The following USP36 variants were observed in gnomAD, a reference collection of about 807,000 sequenced individuals.
The protein encoded by USP36 is ubiquitin carboxyl-terminal hydrolase 36.
A neutral mutation model predicts 111.5 loss-of-function variants in USP36; 59 were observed. That is an observed-to-expected ratio of 0.53 (90% CI 0.43 to 0.66). USP36 has a LOEUF of 0.66. Among genes scored for constraint, USP36 ranks in the 30% least tolerant of loss-of-function variants. The probability of loss-of-function intolerance (pLI) is 0.00; values close to 1 mark genes in which losing one functional copy is unlikely to be tolerated. For synonymous variants in USP36, 628 were observed against 581.0 expected (o/e 1.08, Z -1.16); for missense variants, 1,488 against 1,468.0 (o/e 1.01, Z -0.22).
intron 2 of USP36, among the ~76,000 whole-genome samples, chr17:78,837,557 C>T (rs1185674781): frequency 3.3e-5 from 5 of 152,148 alleles, no homozygotes; most frequent in Non-Finnish European, 5.9e-5. Context: ...ACTGTTGGTG[C>T]AGCTGCATGG....
At chr17:78,834,581 G>C (rs1172780377) in intron 4 of USP36, among the ~76,000 whole-genome samples, 3 of 151,888 alleles carry the variant, frequency 2.0e-5, no homozygotes, top group Non-Finnish European at 4.4e-5. Flanking sequence ...CGAGCAGCTG[G>C]GATTACAGGT....
chr17:78,802,089 G>A (rs558395821), intron 17 of USP36, among the ~76,000 whole-genome samples: 280 of 150,026 alleles, frequency 1.9e-3, no homozygotes, highest in African/African-American at 6.3e-3. Flanking sequence ...ACACCCACGC[G>A]GTCCCCCACC....
intron 14 of USP36, 32 bp downstream of exon 14, chr17:78,806,927 A>T: frequency 4.4e-6 from 7 of 1,606,384 alleles, no homozygotes; most frequent in Non-Finnish European, 6.0e-6. Flanking sequence ...CTCTCCTGAT[A>T]CACAGCAGCG....
intron 1 of USP36, chr17:78,840,415 C>G (rs1339552591): frequency 2.0e-5 from 3 of 152,442 alleles, no homozygotes; most frequent in African/African-American, 7.2e-5. Flanking sequence ...CGAAGTTGAC[C>G]TGAATCCTGC....
chr17:78,832,870 A>T (rs1233000939), intron 4 of USP36, among the ~76,000 whole-genome samples: 1 of 152,192 alleles, frequency 6.6e-6, no homozygotes, highest in Non-Finnish European at 1.5e-5. Flanking sequence ...GTGCTTCTGC[A>T]GGGCACGGTG....
chr17:78,830,816 T>G (rs2068015077), intron 4 of USP36, among the ~76,000 whole-genome samples: 1 of 151,984 alleles, frequency 6.6e-6, no homozygotes, highest in African/African-American at 2.4e-5. Flanking sequence ...AAGGGGAGGT[T>G]TTTTTCATTT....
chr17:78,835,633 T>C (rs2068593767), intron 3 of USP36, 132 bp from the exon 4 acceptor site: 3 of 925,686 alleles, frequency 3.2e-6, no homozygotes, highest in Non-Finnish European at 4.8e-6. Context: ...GAAGAACTGG[T>C]GTTCTGGTTT....
At chr17:78,833,799 C>T (rs1056411573) in intron 4 of USP36, among the ~76,000 whole-genome samples, 1 of 151,482 alleles carries the variant, frequency 6.6e-6, no homozygotes, top group African/African-American at 2.4e-5. Flanking sequence ...TATCTATGTT[C>T]GTGAAGAAGT....
intron 15 of USP36, 42 bp downstream of exon 15, chr17:78,806,114 G>C: frequency 6.2e-7 from 1 of 1,611,532 alleles, no homozygotes; most frequent in Non-Finnish European, 8.5e-7. Context: ...CAACCACAGG[G>C]AGAACCAGTT....
chr17:78,791,128 TC>T (rs2093579963), downstream of USP36, among the ~76,000 whole-genome samples: 2 of 140,688 alleles, frequency 1.4e-5, no homozygotes, highest in African/African-American at 2.7e-5. Context: ...AATCTGGCCT[TC>T]TTTTTTTTTT....
At chr17:78,832,016 G>C (rs971577860) in intron 4 of USP36, among the ~76,000 whole-genome samples, 3 of 148,434 alleles carry the variant, frequency 2.0e-5, no homozygotes, top group Non-Finnish European at 4.5e-5. Flanking sequence ...AACAATCTAA[G>C]CCAGGTTCTC....
rs2093662349 is a variant in USP36, at chr17:78,798,283, G to A, written c.*20+117C>T. The A allele has an allele frequency of 7.4e-7, 1 of 1,356,304 alleles. No homozygotes were observed. Among genetic ancestry groups the A allele is most frequent in the African/African-American group, 1.5e-5 (1 of 68,158 alleles). The allele number at this position is 1,356,304 out of a possible 1,614,324, so 84.0% of individuals were successfully genotyped here. ...CACACACACCACCCAACACACATGT[G>A]CCAGATACACAGCCCACATACATCA... On this transcript the variant is annotated intron_variant, in intron 20 of 20. Coordinates refer to ENST00000449938, the MANE Select transcript of USP36 (RefSeq NM_001385174.1). This position sits in a 1 kb window ranked among gnomAD's most constrained non-coding sequence, Gnocchi z 5.1.
chr17:78,835,251 C>A (rs1290080246), intron 4 of USP36, 29 bp downstream of exon 4: 2 of 1,606,924 alleles, frequency 1.2e-6, no homozygotes, highest in South Asian at 1.1e-5. Context: ...GGACCCACAG[C>A]CACCCCACTG....
chr17:78,799,526 T>C (rs1422042030), intron 18 of USP36, 141 bp downstream of exon 18: 14 of 743,232 alleles, frequency 1.9e-5, no homozygotes, highest in East Asian at 5.7e-5. Flanking sequence ...CCAGCCAGTG[T>C]TGAGATTCCT....
chr17:78,811,385 A>G (rs2094051540), intron 13 of USP36, among the ~76,000 whole-genome samples: 1 of 152,194 alleles, frequency 6.6e-6, no homozygotes, highest in Non-Finnish European at 1.5e-5. Context: ...ATGTATGACT[A>G]TGTACGTATG....
At chr17:78,804,716 T>G (rs1179934999) in intron 15 of USP36, among the ~76,000 whole-genome samples, 2 of 149,808 alleles carry the variant, frequency 1.3e-5, no homozygotes, top group East Asian at 3.9e-4. Context: ...AAGGCAAAGT[T>G]AATAAGAATT....
intron 5 of USP36, among the ~76,000 whole-genome samples, chr17:78,828,249 C>T (rs1051996331): frequency 1.3e-5 from 2 of 152,140 alleles, no homozygotes; most frequent in African/African-American, 2.4e-5. Context: ...GAATATCTCT[C>T]CAAAAGCCAA....
intron 15 of USP36, among the ~76,000 whole-genome samples, chr17:78,805,549 C>T (rs2093875349): frequency 6.6e-6 from 1 of 152,198 alleles, no homozygotes; most frequent in Admixed American, 6.5e-5. Context: ...TCCCCACTCC[C>T]AGCGGCTTCC....
chr17:78,810,222 A>G (rs2094016321), intron 13 of USP36, among the ~76,000 whole-genome samples: 1 of 151,964 alleles, frequency 6.6e-6, no homozygotes, highest in African/African-American at 2.4e-5. Flanking sequence ...TCCCGGGTTC[A>G]AGTGATCCTC....
Sources: gnomAD v4.1 joint callset for allele counts (sites outside exome capture counted in the v4.1 genomes callset) on GRCh38, gnomAD v4.1.1 for gene constraint, Gnocchi (gnomAD v3.1) non-coding constraint, MANE v1.5 for transcripts, NCBI Gene and HGNC (gene_info 2026-07-23, HGNC 2026-07-21) for gene names.